The following MACROD2 variants were observed in gnomAD, a reference collection of about 807,000 sequenced individuals.
MACROD2 encodes mono-ADP ribosylhydrolase 2.
A neutral mutation model predicts 70.4 loss-of-function variants in MACROD2; 36 were observed. The ratio of observed to expected loss-of-function variants is 0.51; its 90% confidence interval spans 0.39 to 0.68. The LOEUF (loss-of-function observed/expected upper bound fraction) is 0.68. MACROD2 is among the 30% of genes least tolerant of loss of function. The pLI, the probability that MACROD2 is intolerant of heterozygous loss-of-function variation, is 0.00. For missense variants in MACROD2, 496 were observed against 538.4 expected, an observed-to-expected ratio of 0.92 and a Z score of 0.78; for synonymous variants, 172 against 178.8, an observed-to-expected ratio of 0.96 and a Z score of 0.30.
At position 14,835,327 on chromosome 20, in the gene MACROD2, C is replaced by G. The variant is rs73106535; in HGVS notation, c.418+150368C>G. ...AGAAATGAAAGAACATGTGAAATAT[C>G]AGTTAACATCGGTTCATATGGAGTC... On this transcript the variant is annotated intron_variant, in intron 5 of 17. Coordinates refer to ENST00000684519, the MANE Select transcript of MACROD2 (RefSeq NM_001351661.2). Among the ~76,000 whole-genome samples, 1,106 of 152,112 alleles carry G rather than the reference C, an allele frequency of 7.3e-3. 13 individuals carry two copies. The highest frequency in any genetic ancestry group is 0.012 in the Non-Finnish European group (784 of 67,958).
At chr20:15,510,675 A>G (rs772533767) in intron 8 of MACROD2, among the ~76,000 whole-genome samples, 5 of 152,136 alleles carry the variant, frequency 3.3e-5, no homozygotes, top group Non-Finnish European at 7.3e-5. Context: ...GGGTAAGAAA[A>G]CCAAATAGGT....
intron 5 of MACROD2, among the ~76,000 whole-genome samples, chr20:14,906,250 T>C (rs1370155288): frequency 1.3e-5 from 2 of 152,196 alleles, no homozygotes; most frequent in Non-Finnish European, 2.9e-5. Context: ...TCCTAGCACT[T>C]TGGGAGGCCA....
intron 10 of MACROD2, chr20:15,893,104 A>T (rs1042443122): frequency 2.5e-6 from 1 of 399,808 alleles, no homozygotes; most frequent in African/African-American, 2.1e-5. Flanking sequence ...TCATGTTCAG[A>T]TATTCCTAAG....
At chr20:15,406,627 C>A (rs1025339460) in intron 6 of MACROD2, among the ~76,000 whole-genome samples, 7 of 152,132 alleles carry the variant, frequency 4.6e-5, no homozygotes, top group African/African-American at 1.7e-4. Context: ...AGGTAAATGG[C>A]AGACATGTAT....
chr20:15,473,508 T>C (rs982108588), intron 7 of MACROD2, among the ~76,000 whole-genome samples: 25 of 152,304 alleles, frequency 1.6e-4, no homozygotes, highest in African/African-American at 6.0e-4. Flanking sequence ...AACTTTTGCC[T>C]GAAGACATCC....
rs35308671 is a variant in MACROD2, at chr20:15,451,417, TAAAAAAAAAAA to T, written c.571+19998_571+20008del. ...AGCAAATCTCCTGAAGGGTGGTAAA[TAAAAAAAAAAA>T]AAAAAAAAAAAAAAAGAGTCACCTT... On this transcript the variant is annotated intron_variant, in intron 7 of 17. Transcript: ENST00000684519. Among the ~76,000 whole-genome samples the T allele has an allele frequency of 6.0e-5, 5 of 83,372 alleles. 1 individual carries two copies. The Admixed American group carries it at 7.6e-4, about 13-fold the overall frequency. 54.7% of individuals were successfully genotyped at this position (83,372 alleles called of 152,430 possible). A position where few individuals can be genotyped will look rare whatever the true frequency, so the allele number is the denominator to read the frequency against.
chr20:14,705,038 A>G (rs968872973), intron 5 of MACROD2, among the ~76,000 whole-genome samples: 2 of 152,014 alleles, frequency 1.3e-5, no homozygotes, highest in African/African-American at 2.4e-5. Flanking sequence ...TGATTACTAT[A>G]GTGAAGCAAA....
At chr20:14,127,852 A>G (rs935070991) in intron 3 of MACROD2, 6 of 476,838 alleles carry the variant, frequency 1.3e-5, no homozygotes, top group Admixed American at 4.7e-5. Flanking sequence ...GGAAGCACCA[A>G]CTCTAAGCCA....
intron 8 of MACROD2, among the ~76,000 whole-genome samples, chr20:15,631,688 C>T (rs1011386417): frequency 7.2e-5 from 11 of 152,176 alleles, no homozygotes; most frequent in Non-Finnish European, 1.5e-4. Context: ...TGACAAAAAG[C>T]ACCAAGAGTG....
At chr20:15,822,583 G>A (rs1425179772) in intron 8 of MACROD2, among the ~76,000 whole-genome samples, 2 of 152,038 alleles carry the variant, frequency 1.3e-5, no homozygotes, top group Non-Finnish European at 2.9e-5. Flanking sequence ...TTTTACATTT[G>A]CATGTAAGAA....
intron 8 of MACROD2, among the ~76,000 whole-genome samples, chr20:15,500,830 G>A (rs945401836): frequency 6.6e-6 from 1 of 152,122 alleles, no homozygotes; most frequent in East Asian, 1.9e-4. Context: ...ATCCATTTGG[G>A]TGCTTACCCT....
intron 5 of MACROD2, among the ~76,000 whole-genome samples, chr20:15,209,732 A>G (rs1227150747): frequency 6.6e-6 from 1 of 152,190 alleles, no homozygotes; most frequent in African/African-American, 2.4e-5. Flanking sequence ...GTACATGCAT[A>G]TGTATAAACA....
intron 6 of MACROD2, among the ~76,000 whole-genome samples, chr20:15,411,674 T>G (rs1238231618): frequency 6.6e-6 from 1 of 152,224 alleles, no homozygotes; most frequent in Non-Finnish European, 1.5e-5. Flanking sequence ...ATCTATAAAT[T>G]GTGATAATTT....
intron 5 of MACROD2, among the ~76,000 whole-genome samples, chr20:14,971,810 C>T (rs367677884): frequency 4.7e-4 from 72 of 152,064 alleles, no homozygotes; most frequent in Non-Finnish European, 5.9e-4. Flanking sequence ...TTTGCTTGGC[C>T]GGCGGCATGT....
chr20:14,327,761 T>G (rs1334100158), intron 3 of MACROD2, among the ~76,000 whole-genome samples: 5 of 152,128 alleles, frequency 3.3e-5, no homozygotes, highest in African/African-American at 7.2e-5. Context: ...TTTCTTAATT[T>G]CTTTATAAAT....
At chr20:15,629,908 T>G (rs1343830931) in intron 8 of MACROD2, among the ~76,000 whole-genome samples, 1 of 152,222 alleles carries the variant, frequency 6.6e-6, no homozygotes, top group Non-Finnish European at 1.5e-5. Context: ...GAATGAATGC[T>G]TTGAAGTAAT....
At chr20:14,933,664 G>A (rs2074316022) in intron 5 of MACROD2, among the ~76,000 whole-genome samples, 1 of 151,994 alleles carries the variant, frequency 6.6e-6, no homozygotes, top group South Asian at 2.1e-4. Context: ...GTTTCTATTG[G>A]AGTAAGTCAT....
chr20:15,164,350 G>T (rs1384835807), intron 5 of MACROD2, among the ~76,000 whole-genome samples: 1 of 152,002 alleles, frequency 6.6e-6, no homozygotes, highest in Non-Finnish European at 1.5e-5. Context: ...TTTTATAAGG[G>T]ACTTCAGCAT....
rs879835350 is a variant in MACROD2 at position 14,419,058 on chromosome 20, G to T, written c.272-74421G>T. Among the ~76,000 whole-genome samples, 495 of 149,510 alleles carry T rather than the reference G, an allele frequency of 3.3e-3. 2 individuals carry two copies. The highest frequency in any genetic ancestry group is 5.0e-3 in the Non-Finnish European group (336 of 67,232). ...ACAGTCTTAGGATTTTTTTTGTTTT[G>T]TTTTTTGTTTTTTGAGATGGAGTTT... On this transcript the variant is annotated intron_variant, in intron 3 of 17. Transcript: ENST00000684519.
Sources: allele counts gnomAD v4.1 joint callset (sites outside exome capture counted in the v4.1 genomes callset), GRCh38; gene constraint gnomAD v4.1.1; transcripts MANE v1.5; gene names NCBI Gene and HGNC (gene_info 2026-07-23, HGNC 2026-07-21).